The following TEX46 variants were observed in gnomAD, a reference collection of about 807,000 sequenced individuals.
TEX46 encodes testis-expressed protein 46.
Under a neutral mutation model 5.3 loss-of-function variants are expected in TEX46, and 6 were observed. The ratio of observed to expected loss-of-function variants is 1.13; its 90% confidence interval spans 0.62 to 2.23. The LOEUF is 2.23. Among genes scored for constraint, TEX46 ranks in the 30% most tolerant of loss-of-function variants. TEX46 has a pLI of 0.00. For missense variants in TEX46, 131 were observed against 150.9 expected (o/e 0.87, Z 0.69); for synonymous variants, 41 against 54.6 (o/e 0.75, Z 1.10).
Position 23,013,881 on chromosome 1 carries a change from A to C in TEX46, c.165+2T>G, listed in dbSNP as rs1465873714. The C allele has an allele frequency of 6.5e-7, 1 of 1,535,762 alleles. No homozygotes were observed. The highest frequency in any genetic ancestry group is 2.0e-5 in the Admixed American group (1 of 50,966). On this transcript the variant is annotated splice_donor_variant, in intron 2 of 2. Coordinates refer to ENST00000566855, the MANE Select transcript of TEX46 (RefSeq NM_001242521.2). LOFTEE classifies it high-confidence loss of function. ...TGAAGCCAAGCCCCATCTTGTGCTC[A>C]CCTGCTGGGGCTCTGGGAGGGTGAG...
rs950848779 is a variant in TEX46 at position 23,011,109 on chromosome 1, G to C, written c.166-8C>G. 3.3e-6 allele frequency: 5 copies of C among 1,534,670 alleles called. No individual in the cohort carries two copies. The Admixed American group carries it at 9.8e-5, about 30-fold the overall frequency. ...CCGTTGGAGGATCTCGTCCTGGAGGGCAAAGCAGGCATGCGTTCTATTGAC... is the reference window on the plus strand; with the variant it reads ...CCGTTGGAGGATCTCGTCCTGGAGGCCAAAGCAGGCATGCGTTCTATTGAC... On this transcript the variant is annotated splice_polypyrimidine_tract_variant and splice_region_variant and intron_variant, in intron 2 of 2. Transcript: ENST00000566855.
chr1:23,012,444 A>G (rs1436301153), intron 2 of TEX46, among the ~76,000 whole-genome samples: 2 of 152,188 alleles, frequency 1.3e-5, no homozygotes, highest in Non-Finnish European at 2.9e-5. Flanking sequence ...ATATTCCCAT[A>G]TCAACTTAAG....
intron 1 of TEX46, 25 bp downstream of exon 1, chr1:23,015,747 A>C (rs1438257352): frequency 2.9e-6 from 2 of 698,580 alleles, no homozygotes; most frequent in Non-Finnish European, 5.2e-6. Context: ...CAAAAAAAAA[A>C]CAAATACCGT....
At chr1:23,015,083 T>A (rs1257462966) in intron 1 of TEX46, among the ~76,000 whole-genome samples, 1 of 151,918 alleles carries the variant, frequency 6.6e-6, no homozygotes, top group Non-Finnish European at 1.5e-5. Context: ...CCTCAAATGA[T>A]CTGCCCACCT....
chr1:23,014,034 C>A lies in TEX46; in HGVS notation c.14G>T (p.Gly5Val). ...TATGGTGCCTGCGGAGGCAAGTATC[C>A]CATGGAGACTCCTAAAGAGAAATAT... is the stretch of plus-strand genomic sequence containing the variant. MSLH[G>V]ILASAGTIGA... The change falls in exon 2 of 3, where the codon GGG becomes GTG. Residue 5 changes from glycine (G) to valine (V), a missense_variant. Transcript: ENST00000566855. The A allele has an allele frequency of 6.5e-7, 1 of 1,535,914 alleles. No individual in the cohort carries two copies. The highest frequency in any genetic ancestry group is 8.7e-7 in the Non-Finnish European group (1 of 1,146,818).
chr1:23,014,197 A>G lies in TEX46; in HGVS notation c.3-152T>C, dbSNP rs918750079. The G allele has an allele frequency of 3.9e-6, 5 of 1,288,002 alleles. No individual in the cohort carries two copies. The South Asian group carries it at 8.3e-5, about 21-fold the overall frequency. The allele number at this position is 1,288,002 out of a possible 1,614,324, so 79.8% of individuals were successfully genotyped here. A position where few individuals can be genotyped will look rare whatever the true frequency, so the allele number is the denominator to read the frequency against. ...CCCCCCACCCAGCTGCCGCATAACAATAATAATAACTCCTCCTTTGTCTGA... is the reference window on the plus strand; with the variant it reads ...CCCCCCACCCAGCTGCCGCATAACAGTAATAATAACTCCTCCTTTGTCTGA... On this transcript the variant is annotated intron_variant, in intron 1 of 2. Coordinates refer to ENST00000566855, the MANE Select transcript of TEX46 (RefSeq NM_001242521.2).
Position 23,013,907 on chromosome 1 carries a change from C to A in TEX46, c.141G>T (p.Lys47Asn), listed in dbSNP as rs1300057883. The A allele has an allele frequency of 3.3e-6, 5 of 1,535,948 alleles. No homozygotes were observed. The African/African-American group carries it at 6.8e-5, about 21-fold the overall frequency. ...LSNWLVKYEH[K>N]LTLPEPQQDE... The stretch of plus-strand genomic sequence containing the variant: ...CCTGCTGGGGCTCTGGGAGGGTGAG[C>A]TTGTGTTCATACTTGACCAACCAGT... Residue 47 changes from lysine (K) to asparagine (N), a missense_variant, in exon 2 of 3, where the codon AAG becomes AAT. Physicochemically the swap from Lys to Asn is moderately conservative, Grantham distance 94. Transcript: ENST00000566855.
At chr1:23,014,828 ATTATT>A (rs1002852286) in intron 1 of TEX46, among the ~76,000 whole-genome samples, 19 of 151,684 alleles carry the variant, frequency 1.3e-4, no homozygotes, top group Admixed American at 7.9e-4. Context: ...ATTAACTTTT[ATTATT>A]TTATTTTATT....
chr1:23,014,619 T>C (rs1190468407), intron 1 of TEX46, among the ~76,000 whole-genome samples: 3 of 152,008 alleles, frequency 2.0e-5, no homozygotes, highest in Non-Finnish European at 2.9e-5. Flanking sequence ...AGTGGTGTGA[T>C]TGTGGCTCAC....
intron 1 of TEX46, among the ~76,000 whole-genome samples, chr1:23,015,349 T>C (rs1467359283): frequency 1.4e-5 from 2 of 139,432 alleles, no homozygotes; most frequent in African/African-American, 5.5e-5. Flanking sequence ...GGCAGGAGAA[T>C]TGCTGGAACC....
At chr1:23,011,317 T>C in intron 2 of TEX46, 1 of 484,712 alleles carries the variant, frequency 2.1e-6, no homozygotes. Context: ...TAACAGAGTC[T>C]CACAACTGCC....
chr1:23,014,674 C>T (rs557183130), intron 1 of TEX46, among the ~76,000 whole-genome samples: 1 of 151,800 alleles, frequency 6.6e-6, no homozygotes, highest in Non-Finnish European at 1.5e-5. Context: ...CTGCCTCAGC[C>T]TCCTGAGTAG....
At chr1:23,015,296 C>T (rs1569578010) in intron 1 of TEX46, among the ~76,000 whole-genome samples, 1 of 151,346 alleles carries the variant, frequency 6.6e-6, no homozygotes, top group African/African-American at 2.4e-5. Context: ...ATTAGCCAGG[C>T]GTGGTTGCGG....
Position 23,011,078 on chromosome 1 carries a change from C to A in TEX46, c.189G>T (p.Leu63Phe), listed in dbSNP as rs555239472. 34 of 1,535,980 alleles carry A rather than the reference C, an allele frequency of 2.2e-5. No individual in the cohort carries two copies. In the East Asian group the frequency reaches 3.7e-4, roughly 17 times the overall value. Residue 63 changes from leucine (L) to phenylalanine (F), a missense_variant, in exon 3 of 3, where the codon TTG becomes TTT. Physicochemically the swap from Leu to Phe is conservative, Grantham distance 22. Transcript: ENST00000566855. ...PQQDEILQRL[L>F]FSEMKMKVLE... ...GGACCTTCATCTTCATTTCACTGAA[C>A]AACAGCCGTTGGAGGATCTCGTCCT...
intron 1 of TEX46, 118 bp downstream of exon 1, chr1:23,015,654 A>G: frequency 3.2e-6 from 2 of 630,284 alleles, no homozygotes; most frequent in Non-Finnish European, 5.7e-6. Context: ...CAATATTACC[A>G]GCCTTAAAAA....
At chr1:23,011,396 T>C (rs923521548) in intron 2 of TEX46, among the ~76,000 whole-genome samples, 6 of 150,848 alleles carry the variant, frequency 4.0e-5, no homozygotes, top group African/African-American at 7.3e-5. Context: ...CACTTTCTTT[T>C]TTTTTTTTTT....
chr1:23,012,358 T>TAA (rs11330715), intron 2 of TEX46, among the ~76,000 whole-genome samples: 7 of 141,540 alleles, frequency 4.9e-5, no homozygotes, highest in Non-Finnish European at 9.2e-5. Context: ...ACTAAATACA[T>TAA]AAAAAAAAAA....
Position 23,015,791 on chromosome 1 carries a change from C to A in TEX46, c.-18G>T. The stretch of plus-strand genomic sequence containing the variant: ...ACTTACATGAGCTATCTACAATAGT[C>A]AAATTCATAGAGGCAAAGAGTAGAA... On this transcript the variant is annotated 5_prime_UTR_variant, in exon 1 of 3. Coordinates refer to ENST00000566855, the MANE Select transcript of TEX46 (RefSeq NM_001242521.2). The A allele has an allele frequency of 1.4e-6, 1 of 696,042 alleles. No homozygotes were observed. The highest frequency in any genetic ancestry group is 1.5e-5 in the South Asian group (1 of 66,588). The allele number at this position is 696,042 out of a possible 1,614,324, so 43.1% of individuals were successfully genotyped here. A position where few individuals can be genotyped will look rare whatever the true frequency, so the allele number is the denominator to read the frequency against.
intron 2 of TEX46, among the ~76,000 whole-genome samples, chr1:23,011,791 T>C (rs927058573): frequency 1.3e-5 from 2 of 152,182 alleles, no homozygotes; most frequent in Non-Finnish European, 2.9e-5. Flanking sequence ...CTTTGGTTCA[T>C]AGGAATGCAT....
Sources: gnomAD v4.1 joint callset for allele counts (sites outside exome capture counted in the v4.1 genomes callset) on GRCh38, gnomAD v4.1.1 for gene constraint, MANE v1.5 for transcripts, NCBI Gene and HGNC (gene_info 2026-07-23, HGNC 2026-07-21) for gene names.